The following PATE3 variants were observed in gnomAD, a reference collection of about 807,000 sequenced individuals.
The protein encoded by PATE3 is prostate and testis expressed 3, also known as prostate and testis expressed protein 3.
PATE3 carries 7 observed loss-of-function variants against 7.4 expected under a neutral mutation model. That is an observed-to-expected ratio of 0.95 (90% CI 0.54 to 1.78). PATE3 has a LOEUF of 1.78. Among genes scored for constraint, PATE3 ranks in the 40% most tolerant of loss-of-function variants. The pLI is 0.00. For missense variants in PATE3, 117 were observed against 122.5 expected, an observed-to-expected ratio of 0.96 and a Z score of 0.21; for synonymous variants, 38 against 40.2, an observed-to-expected ratio of 0.94 and a Z score of 0.21.
chr11:125,788,347 C>T (rs1051732728), intron 1 of PATE3, 147 bp downstream of exon 1: 4 of 666,868 alleles, frequency 6.0e-6, no homozygotes, highest in Non-Finnish European at 1.0e-5. Flanking sequence ...GCTCCTCTGC[C>T]TTCCCTGACA....
At chr11:125,789,058 A>C (rs945362721) in intron 1 of PATE3, among the ~76,000 whole-genome samples, 1 of 152,126 alleles carries the variant, frequency 6.6e-6, no homozygotes, top group African/African-American at 2.4e-5. Context: ...TATCACACCC[A>C]TATCTCTAGT....
chr11:125,790,374 A>G (rs1943599736), intron 2 of PATE3, 104 bp from the exon 3 acceptor site: 1 of 1,208,572 alleles, frequency 8.3e-7, no homozygotes, highest in Non-Finnish European at 1.1e-6. Context: ...CCATTCCTCA[A>G]CCTACCCTAA....
At position 125,790,800 on chromosome 11, in the gene PATE3, T is replaced by C. The variant is rs1335459213; in HGVS notation, c.*198T>C. 3 of 492,254 alleles carry C rather than the reference T, an allele frequency of 6.1e-6. No individual in the cohort carries two copies. The East Asian group carries it at 1.0e-4, about 17-fold the overall frequency. 30.5% of individuals were successfully genotyped at this position (492,254 alleles called of 1,614,324 possible). On this transcript the variant is annotated 3_prime_UTR_variant, in exon 3 of 3. Transcript: ENST00000445202. ...TCCCTCAGTCAGAGAATAGTGGTTC[T>C]GAACAATGGATTTCTTCTATTATTG...
chr11:125,788,300 C>A, intron 1 of PATE3, 100 bp downstream of exon 1: 1 of 1,135,832 alleles, frequency 8.8e-7, no homozygotes, highest in South Asian at 1.5e-5. Context: ...TGAGCTTTGG[C>A]CACTTTTATG....
chr11:125,790,713 C>T lies in PATE3; in HGVS notation c.*111C>T. The T allele has an allele frequency of 4.4e-6, 5 of 1,140,926 alleles. No homozygotes were observed. In the South Asian group the frequency reaches 6.6e-5, roughly 15 times the overall value. The allele number at this position is 1,140,926 out of a possible 1,614,324, so 70.7% of individuals were successfully genotyped here. ...TGTCTGTCCTGACAATACCCCTGCC[C>T]TCGCATTAACCTAAGAAGACTAAAC... On this transcript the variant is annotated 3_prime_UTR_variant, in exon 3 of 3. Transcript: ENST00000445202.
rs755777223 is a variant in PATE3, at chr11:125,788,182, C to A, written c.31C>A (p.Leu11Ile). The change falls in exon 1 of 3, where the codon CTT becomes ATT. Residue 11 changes from leucine to isoleucine, a missense_variant. By Grantham distance (5) the Leu-to-Ile change is conservative. Coordinates refer to ENST00000445202, the MANE Select transcript of PATE3 (RefSeq NM_001129883.4). ...CAAACACTTCTTGTTCCTCTTCCTCCTTTACTGCCTCATTGTGGGTGAGTC... is the reference window on the plus strand; with the variant it reads ...CAAACACTTCTTGTTCCTCTTCCTCATTTACTGCCTCATTGTGGGTGAGTC... MNKHFLFLFL[L>I]YCLIVAVTSL... 7.1e-6 allele frequency: 11 copies of A among 1,551,314 alleles called. No individual in the cohort carries two copies. The highest frequency in any genetic ancestry group is 4.1e-5 in the African/African-American group (3 of 73,032).
At position 125,788,136 on chromosome 11, in the gene PATE3, G is replaced by C. The variant is rs966733960; in HGVS notation, c.-16G>C. The C allele has an allele frequency of 9.0e-6, 14 of 1,550,934 alleles. No individual in the cohort carries two copies. The highest frequency in any genetic ancestry group is 2.0e-5 in the Admixed American group (1 of 50,972). On this transcript the variant is annotated 5_prime_UTR_variant, in exon 1 of 3. Transcript: ENST00000445202. ...CCCTAGCTTCTTTTTCCTGCACAAG[G>C]GATTTCCGGGTCAGGATGAACAAAC...
chr11:125,789,337 C>T, intron 1 of PATE3, 49 bp from the exon 2 acceptor site: 1 of 1,517,028 alleles, frequency 6.6e-7, no homozygotes, highest in East Asian at 2.5e-5. Context: ...AACTCCATCC[C>T]AAGTCCCTGC....
Position 125,790,498 on chromosome 11 carries a change from T to C in PATE3, c.193T>C (p.Tyr65His), listed in dbSNP as rs769801299. The C allele has an allele frequency of 4.5e-6, 7 of 1,550,316 alleles. No individual in the cohort carries two copies. Among genetic ancestry groups the C allele is most frequent in the South Asian group, 2.4e-5 (2 of 84,020 alleles). ...TTTAGGCAATACTCTCCAGATATCA[T>C]ACATGGTGTGTCAGAAATTCTGCAG... ...IYQRNTLQIS[Y>H]MVCQKFCRDM... Residue 65 changes from tyrosine to histidine, a missense_variant, in exon 3 of 3, where the codon TAC becomes CAC. Physicochemically the swap from Tyr to His is moderately conservative, Grantham distance 83 (BLOSUM62 2). Coordinates refer to ENST00000445202, the MANE Select transcript of PATE3 (RefSeq NM_001129883.4).
chr11:125,789,460 T>C lies in PATE3; in HGVS notation c.124T>C (p.Cys42Arg). Residue 42 changes from cysteine (C) to arginine (R), a missense_variant, in exon 2 of 3, where the codon TGT becomes CGT. Physicochemically the swap from Cys to Arg is radical, Grantham distance 180 (BLOSUM62 -3). Transcript: ENST00000445202. ...CCGCTGTAGAAGAGGCTTTGGTGTC[T>C]GTACTGCTCAGAAGGGCGAGGCATG... ...TDRCRRGFGV[C>R]TAQKGEACML... 6.4e-7 allele frequency: 1 copy of C among 1,551,722 alleles called. No homozygotes were observed. The highest frequency in any genetic ancestry group is 2.0e-5 in the Admixed American group (1 of 51,010).
At chr11:125,790,449 T>G in intron 2 of PATE3, 29 bp from the exon 3 acceptor site, 2 of 1,541,800 alleles carry the variant, frequency 1.3e-6, no homozygotes, top group Non-Finnish European at 1.7e-6. Context: ...AATCAAATGC[T>G]TATTTTCTGT....
At position 125,791,495 on chromosome 11, in the gene PATE3, G is replaced by A. The variant is rs1355485098; in HGVS notation, c.*893G>A. On this transcript the variant is annotated 3_prime_UTR_variant, in exon 3 of 3. Transcript: ENST00000445202. ...ATCAAAGGGAGTCAAACATAGTCAA[G>A]ATACCATCTACCCTGTACAGCTTTC... The A allele has an allele frequency of 6.6e-6, 1 of 152,216 alleles. No individual in the cohort carries two copies. The highest frequency in any genetic ancestry group is 1.5e-5 in the Non-Finnish European group (1 of 68,072). The allele number at this position is 152,216 out of a possible 1,614,324, so 9.4% of individuals were successfully genotyped here.
At position 125,789,478 on chromosome 11, in the gene PATE3, G is replaced by A. The variant is rs899482194; in HGVS notation, c.142G>A (p.Glu48Lys). ...TGGTGTCTGTACTGCTCAGAAGGGC[G>A]AGGCATGCATGCTCTTAAGGATTTA... ...GFGVCTAQKG[E>K]ACMLLRIYQR... The change falls in exon 2 of 3, where the codon GAG becomes AAG. Residue 48 changes from glutamate to lysine, a missense_variant. Coordinates refer to ENST00000445202, the MANE Select transcript of PATE3 (RefSeq NM_001129883.4). 9.7e-6 allele frequency: 15 copies of A among 1,551,594 alleles called. No individual in the cohort carries two copies. The Admixed American group carries it at 1.4e-4, about 14-fold the overall frequency.
intron 2 of PATE3, among the ~76,000 whole-genome samples, chr11:125,790,141 A>T (rs547210319): frequency 6.6e-6 from 1 of 152,310 alleles, no homozygotes; most frequent in East Asian, 1.9e-4. Context: ...GGCTGAGAAG[A>T]GTGGTGGAAG....
At chr11:125,789,618 C>T (rs564638503) in intron 2 of PATE3, 110 bp downstream of exon 2, 2 of 1,268,504 alleles carry the variant, frequency 1.6e-6, no homozygotes, top group South Asian at 3.1e-5. Context: ...CCCCTGAGCA[C>T]AGGTGGTAGC....
At chr11:125,789,636 C>T in intron 2 of PATE3, 128 bp downstream of exon 2, 1 of 986,938 alleles carries the variant, frequency 1.0e-6, no homozygotes, top group African/African-American at 1.6e-5. Flanking sequence ...AGCACAGGTC[C>T]CTGTGCATAC....
rs1943603989 is a variant in PATE3, at chr11:125,790,736, A to T, written c.*134A>T. 1.2e-6 allele frequency: 1 copy of T among 858,992 alleles called. No homozygotes were observed. The highest frequency in any genetic ancestry group is 1.7e-5 in the African/African-American group (1 of 58,546). 53.2% of individuals were successfully genotyped at this position (858,992 alleles called of 1,614,324 possible). ...CCCTCGCATTAACCTAAGAAGACTA[A>T]ACTAGTGTGATCCTTTCTGGTGTCT... On this transcript the variant is annotated 3_prime_UTR_variant, in exon 3 of 3. Coordinates refer to ENST00000445202, the MANE Select transcript of PATE3 (RefSeq NM_001129883.4).
chr11:125,788,667 C>T (rs1943585193), intron 1 of PATE3, among the ~76,000 whole-genome samples: 1 of 152,146 alleles, frequency 6.6e-6, no homozygotes, highest in African/African-American at 2.4e-5. Context: ...TGGAATCAGA[C>T]AGATTTTTTT....
intron 2 of PATE3, 45 bp downstream of exon 2, chr11:125,789,553 C>A: frequency 6.5e-7 from 1 of 1,527,996 alleles, no homozygotes; most frequent in South Asian, 1.2e-5. Context: ...TCTTAGAATT[C>A]TTAGGATAGT....
Sources: allele counts gnomAD v4.1 joint callset (sites outside exome capture counted in the v4.1 genomes callset), GRCh38; gene constraint gnomAD v4.1.1; transcripts MANE v1.5; gene names NCBI Gene and HGNC (gene_info 2026-07-23, HGNC 2026-07-21).